Variants in AFF3 observed in about 807,000 individuals in gnomAD.
The protein encoded by AFF3 is AF4/FMR2 family member 3.
AFF3 carries 32 observed loss-of-function variants against 129.7 expected under a neutral mutation model. The ratio of observed to expected loss-of-function variants is 0.25; its 90% CI spans 0.19 to 0.33. The LOEUF is 0.33. Ranked by LOEUF, AFF3 falls within the 10% of genes least tolerant of loss-of-function variation. The pLI, the probability that AFF3 is intolerant of heterozygous loss-of-function variation, is 1.00. For missense variants in AFF3, 1,373 were observed against 1,592.0 expected, an observed-to-expected ratio of 0.86 and a Z score of 2.34; for synonymous variants, 644 against 635.4, an observed-to-expected ratio of 1.01 and a Z score of -0.20.
At chr2:99,634,152 C>T (rs1683393616) in intron 13 of AFF3, among the ~76,000 whole-genome samples, 1 of 152,228 alleles carries the variant, frequency 6.6e-6, no homozygotes, top group Non-Finnish European at 1.5e-5. Context: ...AGGTGATCCA[C>T]CTGCTTCGGC....
chr2:99,744,089 C>A lies in AFF3; in HGVS notation c.1039+15G>T, dbSNP rs780321995. 4 of 1,598,230 alleles carry A rather than the reference C, an allele frequency of 2.5e-6. No individual in the cohort carries two copies. The Admixed American group carries it at 6.9e-5, about 28-fold the overall frequency. On this transcript the variant is annotated intron_variant, in intron 10 of 24. Coordinates refer to ENST00000672756, the MANE Select transcript of AFF3 (RefSeq NM_001386135.1). ...CTGCTCCCCAGATGAAACTCCAGAG[C>A]GAAGTCTTTCTTACTTGGATTATTG...
At chr2:99,585,307 A>G (rs1408332043) in intron 16 of AFF3, among the ~76,000 whole-genome samples, 4 of 152,212 alleles carry the variant, frequency 2.6e-5, no homozygotes, top group African/African-American at 9.6e-5. Context: ...TATATATTCA[A>G]GTTGGCCAAA....
At chr2:100,137,396 C>T (rs1692678929) in intron 1 of AFF3, among the ~76,000 whole-genome samples, 1 of 152,152 alleles carries the variant, frequency 6.6e-6, no homozygotes, top group Non-Finnish European at 1.5e-5. Flanking sequence ...AAAATATTGC[C>T]ATGGTATTTA....
rs551369755 is a variant in AFF3 at position 99,781,597 on chromosome 2, T to C, written c.922-29296A>G. On this transcript the variant is annotated intron_variant, in intron 8 of 24. Coordinates refer to ENST00000672756, the MANE Select transcript of AFF3 (RefSeq NM_001386135.1). ...GTGCTTCTGTGCTACAGAAGCATAA[T>C]TGAGTTGTCACATCAGAGACTGGAT... Among the ~76,000 whole-genome samples the C allele has an allele frequency of 5.3e-5, 8 of 152,328 alleles. No individual in the cohort carries two copies. The South Asian group carries it at 6.2e-4, about 12-fold the overall frequency.
At chr2:99,729,058 A>G (rs1679591353) in intron 10 of AFF3, among the ~76,000 whole-genome samples, 1 of 152,182 alleles carries the variant, frequency 6.6e-6, no homozygotes, top group African/African-American at 2.4e-5. Context: ...TCTCAAATAT[A>G]TGGATCCTTT....
intron 18 of AFF3, among the ~76,000 whole-genome samples, chr2:99,571,916 GAATAT>G (rs1030256517): frequency 1.3e-5 from 2 of 152,118 alleles, no homozygotes; most frequent in African/African-American, 2.4e-5. Flanking sequence ...GACAGTTATA[GAATAT>G]AATACAGCAA....
chr2:99,902,007 C>T lies in AFF3; in HGVS notation c.874-64483G>A, dbSNP rs1694378085. ...CTTTGAAAATGTTTTTCCCTCTGTG[C>T]CTCCTTTGCGTCTCTGCTTGGATGT... is the stretch of plus-strand genomic sequence containing the variant. On this transcript the variant is annotated intron_variant, in intron 7 of 24. Coordinates refer to ENST00000672756, the MANE Select transcript of AFF3 (RefSeq NM_001386135.1). 2.0e-5 allele frequency among the ~76,000 whole-genome samples: 3 copies of T among 151,428 alleles called. No individual in the cohort carries two copies. In the South Asian group the frequency reaches 6.3e-4, roughly 32 times the overall value.
intron 7 of AFF3, among the ~76,000 whole-genome samples, chr2:99,870,370 GC>G (rs1691782367): frequency 1.3e-5 from 2 of 152,226 alleles, no homozygotes; most frequent in African/African-American, 4.8e-5. Flanking sequence ...CCCTGACTCT[GC>G]AGCCACGTAG....
chr2:100,105,400 C>A lies in AFF3; in HGVS notation c.-65+104G>T, dbSNP rs1167889784. 3.9e-6 allele frequency: 5 copies of A among 1,297,484 alleles called. No homozygotes were observed. The Admixed American group carries it at 7.2e-5, about 19-fold the overall frequency. The allele number at this position is 1,297,484 out of a possible 1,614,324, so 80.4% of individuals were successfully genotyped here. A position where few individuals can be genotyped will look rare whatever the true frequency, so the allele number is the denominator to read the frequency against. ...GCGGCGGCGCGGAGGAAACCTCTTC[C>A]ACCCGGACCTGCTCTCCGTTGCGGT... On this transcript the variant is annotated intron_variant, in intron 3 of 24. Transcript: ENST00000672756.
chr2:99,784,647 C>T (rs1575973654), intron 8 of AFF3, among the ~76,000 whole-genome samples: 2 of 152,324 alleles, frequency 1.3e-5, no homozygotes, highest in East Asian at 1.9e-4. Context: ...CTTAGGCTAT[C>T]GGCATTTGAG....
intron 4 of AFF3, among the ~76,000 whole-genome samples, chr2:100,056,001 A>C (rs1686739767): frequency 6.6e-6 from 1 of 151,138 alleles, no homozygotes; most frequent in Non-Finnish European, 1.5e-5. Context: ...CATGCACTCC[A>C]GCCTGGGCAA....
chr2:100,022,648 G>A (rs1683690297), intron 4 of AFF3, among the ~76,000 whole-genome samples: 1 of 152,128 alleles, frequency 6.6e-6, no homozygotes, highest in African/African-American at 2.4e-5. Context: ...CTGACCACAA[G>A]TGATCCGCCT....
At chr2:99,962,643 G>A (rs1677340326) in intron 7 of AFF3, among the ~76,000 whole-genome samples, 1 of 151,940 alleles carries the variant, frequency 6.6e-6, no homozygotes, top group Admixed American at 6.6e-5. Flanking sequence ...GGGCTCAATA[G>A]TAAAGTGGAG....
chr2:99,710,365 T>C (rs1207069177), intron 11 of AFF3, among the ~76,000 whole-genome samples: 1 of 152,206 alleles, frequency 6.6e-6, no homozygotes, highest in African/African-American at 2.4e-5. Context: ...GGGATTATCA[T>C]GCCTCAGCTT....
intron 13 of AFF3, among the ~76,000 whole-genome samples, chr2:99,629,386 A>G (rs904822431): frequency 6.6e-6 from 1 of 152,230 alleles, no homozygotes; most frequent in African/African-American, 2.4e-5. Context: ...CGAGAGCCAC[A>G]TCAGGAATGC....
chr2:99,573,683 T>C (rs1243332994), intron 18 of AFF3, among the ~76,000 whole-genome samples: 1 of 152,240 alleles, frequency 6.6e-6, no homozygotes, highest in East Asian at 1.9e-4. Flanking sequence ...CCCGGCCACA[T>C]TTCACATGCC....
At chr2:99,946,473 T>TAAAAAAAAAAAAAAAA (rs55672296) in intron 7 of AFF3, among the ~76,000 whole-genome samples, 10 of 50,504 alleles carry the variant, frequency 2.0e-4, no homozygotes, top group African/African-American at 7.1e-4. Flanking sequence ...GACGCCATCT[T>TAAAAAAAAAAAAAAAA]AAAAAAAAAA....
intron 5 of AFF3, 176 bp from the exon 6 acceptor site, chr2:100,007,636 A>C: frequency 1.5e-6 from 1 of 646,082 alleles, no homozygotes; most frequent in Non-Finnish European, 2.7e-6. Context: ...TTGGTGATGC[A>C]CCAGAACAGG....
At chr2:100,056,061 T>A (rs76209955) in intron 4 of AFF3, among the ~76,000 whole-genome samples, 18,708 of 132,872 alleles carry the variant, frequency 0.14, 1,502 homozygotes, top group East Asian at 0.24. Flanking sequence ...GCTGTCTCTC[T>A]CTCACACACA....
Sources: allele counts gnomAD v4.1 joint callset (sites outside exome capture counted in the v4.1 genomes callset), GRCh38; gene constraint gnomAD v4.1.1; transcripts MANE v1.5; gene names NCBI Gene and HGNC (gene_info 2026-07-23, HGNC 2026-07-21).